WDPCP: variants seen among roughly 807,000 people sequenced by gnomAD.
WDPCP encodes WD repeat-containing and planar cell polarity effector protein fritz homolog.
WDPCP carries 71 observed loss-of-function variants against 93.1 expected under a neutral mutation model. That is an observed-to-expected ratio of 0.76 (90% CI 0.63 to 0.93). The LOEUF is 0.93. Among genes scored for constraint, WDPCP ranks in the 40% least tolerant of loss-of-function variants. The probability of loss-of-function intolerance (pLI) is 0.00; values close to 1 mark genes in which losing one functional copy is unlikely to be tolerated. For synonymous variants in WDPCP, 315 were observed against 315.0 expected (o/e 1.00, Z 0.00); for missense variants, 844 against 887.4 (o/e 0.95, Z 0.62).
At chr2:63,393,811 A>G (rs1382143024) in intron 10 of WDPCP, among the ~76,000 whole-genome samples, 1 of 152,146 alleles carries the variant, frequency 6.6e-6, no homozygotes, top group Non-Finnish European at 1.5e-5. Flanking sequence ...GTCAACAAAA[A>G]CAAGCAGGGA....
intron 2 of WDPCP, among the ~76,000 whole-genome samples, chr2:63,679,019 T>C (rs892550136): frequency 1.3e-5 from 2 of 152,256 alleles, no homozygotes; most frequent in Non-Finnish European, 2.9e-5. Context: ...AGACCTAGCC[T>C]GGAGCTTGCT....
At chr2:63,599,408 C>A (rs1192505071) in intron 3 of WDPCP, 3 of 1,003,822 alleles carry the variant, frequency 3.0e-6, no homozygotes, top group Admixed American at 3.3e-5. Context: ...TTAGTAGGAA[C>A]CTATTACTTT....
At chr2:63,772,414 T>C (rs1670242518) in intron 2 of WDPCP, among the ~76,000 whole-genome samples, 1 of 152,010 alleles carries the variant, frequency 6.6e-6, no homozygotes, top group Non-Finnish European at 1.5e-5. Flanking sequence ...ATAGATTCTG[T>C]ATATAAATGT....
chr2:63,572,711 A>AAAAAAAAAAG (rs1707617403), intron 1 of WDPCP, among the ~76,000 whole-genome samples: 1 of 145,960 alleles, frequency 6.9e-6, no homozygotes, highest in Non-Finnish European at 1.5e-5. Flanking sequence ...CAAAAAAAAA[A>AAAAAAAAAAG]AAAAAAAAAA....
intron 10 of WDPCP, among the ~76,000 whole-genome samples, chr2:63,386,334 T>C (rs1692726644): frequency 6.6e-6 from 1 of 151,924 alleles, no homozygotes; most frequent in Non-Finnish European, 1.5e-5. Context: ...ATTCATAAAA[T>C]ATACATAAAA....
intron 12 of WDPCP, among the ~76,000 whole-genome samples, chr2:63,329,553 G>A (rs1687828094): frequency 6.6e-6 from 1 of 152,040 alleles, no homozygotes; most frequent in African/African-American, 2.4e-5. Context: ...TTCCTAATTT[G>A]CCTTGTAGAT....
chr2:63,489,796 AATAAT>A (rs1432325002), intron 2 of WDPCP, among the ~76,000 whole-genome samples: 3 of 152,106 alleles, frequency 2.0e-5, no homozygotes, highest in Admixed American at 6.6e-5. Context: ...GATCATATAT[AATAAT>A]ATATTTAAAG....
chr2:63,228,929 A>G (rs1389807379), intron 14 of WDPCP: 1 of 152,090 alleles, frequency 6.6e-6, no homozygotes, highest in Non-Finnish European at 1.5e-5. Flanking sequence ...ATGATTTATA[A>G]TCCTTTGGGT....
At chr2:63,405,660 T>G (rs1157627823) in intron 9 of WDPCP, among the ~76,000 whole-genome samples, 1 of 150,666 alleles carries the variant, frequency 6.6e-6, no homozygotes, top group East Asian at 2.0e-4. Flanking sequence ...TCAATCCTGG[T>G]GGAGTAAAAT....
chr2:63,549,008 G>A (rs546616291), intron 1 of WDPCP, among the ~76,000 whole-genome samples: 1 of 152,146 alleles, frequency 6.6e-6, no homozygotes, highest in South Asian at 2.1e-4. Context: ...CAGCATTTTA[G>A]GAGGCAGAGG....
intron 1 of WDPCP, among the ~76,000 whole-genome samples, chr2:63,504,408 G>A (rs1701742736): frequency 6.6e-6 from 1 of 150,732 alleles, no homozygotes; most frequent in Non-Finnish European, 1.5e-5. Flanking sequence ...ATTTTTCTGG[G>A]CAGGGAATAG....
At chr2:63,754,003 G>A (rs1432055966) in intron 2 of WDPCP, among the ~76,000 whole-genome samples, 1 of 152,218 alleles carries the variant, frequency 6.6e-6, no homozygotes, top group East Asian at 1.9e-4. Flanking sequence ...CGATAGGGAA[G>A]GGAAAAGAGC....
At chr2:63,754,084 T>C (rs1669921605) in intron 2 of WDPCP, among the ~76,000 whole-genome samples, 1 of 152,184 alleles carries the variant, frequency 6.6e-6, no homozygotes, top group African/African-American at 2.4e-5. Flanking sequence ...GGATCTGAAA[T>C]ACAAACAGCA....
chr2:63,464,082 C>G (rs1167022424), intron 6 of WDPCP, among the ~76,000 whole-genome samples: 1 of 152,008 alleles, frequency 6.6e-6, no homozygotes, highest in African/African-American at 2.4e-5. Flanking sequence ...GAAAAGGTAA[C>G]CTACAGAATG....
At chr2:63,245,029 G>GA (rs1407674541) in intron 14 of WDPCP, among the ~76,000 whole-genome samples, 2 of 152,114 alleles carry the variant, frequency 1.3e-5, no homozygotes, top group Admixed American at 1.3e-4. Flanking sequence ...GGCATAAGTG[G>GA]AAATTCTACA....
chr2:63,588,242 G>A lies in WDPCP; in HGVS notation c.30C>T (p.Tyr10=), dbSNP rs1248204391. The A allele has an allele frequency of 1.9e-6, 3 of 1,578,672 alleles. No homozygotes were observed. Among genetic ancestry groups the A allele is most frequent in the East Asian group, 2.3e-5 (1 of 42,560 alleles). Residue 10 remains tyrosine, a synonymous_variant, in exon 1 of 18, where the codon TAC becomes TAT. Transcript: ENST00000272321. ...AAGCGCGACTCCCGGCCGCTTTGGA[G>A]TAGGCGTCCCAGCAAAACTCTCGCC... MRREFCWDA[Y]SKAAGSRASS...
chr2:63,791,391 T>C lies in WDPCP; in HGVS notation n.308+22231A>G, dbSNP rs79187278. On this transcript the variant is annotated intron_variant and non_coding_transcript_variant, in intron 2 of 4. Transcript: ENST00000467687. ...CAATTCTTTATGGGATGGAGACTTATACCAAGACCTAGTCTTCCTAGCTGG... is the reference window on the plus strand; with the variant it reads ...CAATTCTTTATGGGATGGAGACTTACACCAAGACCTAGTCTTCCTAGCTGG... Among the ~76,000 whole-genome samples, 15 of 152,328 alleles carry C rather than the reference T, an allele frequency of 9.8e-5. No individual in the cohort carries two copies. In the East Asian group the frequency reaches 2.9e-3, roughly 29 times the overall value.
At chr2:63,753,260 G>A (rs188891410) in intron 2 of WDPCP, among the ~76,000 whole-genome samples, 10 of 151,964 alleles carry the variant, frequency 6.6e-5, no homozygotes, top group East Asian at 3.9e-4. Context: ...ATGAAACCCC[G>A]TCTTTACAAA....
At chr2:63,823,209 A>C (rs918131889) in intron 1 of WDPCP, among the ~76,000 whole-genome samples, 3 of 151,558 alleles carry the variant, frequency 2.0e-5, no homozygotes, top group African/African-American at 4.8e-5. Flanking sequence ...CAAAAAAAAA[A>C]AAAAACAAAA....
Sources: allele counts gnomAD v4.1 joint callset (sites outside exome capture counted in the v4.1 genomes callset), GRCh38; gene constraint gnomAD v4.1.1; transcripts MANE v1.5; gene names NCBI Gene and HGNC (gene_info 2026-07-23, HGNC 2026-07-21).